Variants in EREG observed in about 807,000 individuals in gnomAD.
EREG encodes epiregulin.
Under a neutral mutation model 22.4 loss-of-function variants are expected in EREG, and 23 were observed. That is an observed-to-expected ratio of 1.03 (90% confidence interval 0.74 to 1.46). The LOEUF (loss-of-function observed/expected upper bound fraction) is 1.46, where lower values mean the gene tolerates loss of function less well. EREG is among the 40% of genes most tolerant of loss of function. EREG has a pLI of 0.00. For synonymous variants in EREG, 100 were observed against 75.4 expected (o/e 1.33, Z -1.69); for missense variants, 226 against 205.9 (o/e 1.10, Z -0.60).
chr4:74,368,050 T>C lies in EREG; in HGVS notation c.67+2675T>C, dbSNP rs181862561. On this transcript the variant is annotated intron_variant, in intron 1 of 4. Transcript: ENST00000244869. Reference sequence around the variant, plus strand: ...CTTACAAAGACTCAGAGATAGTAAATGGCCAGGTCACTCTGTGATAATGAG... The same window carrying C: ...CTTACAAAGACTCAGAGATAGTAAACGGCCAGGTCACTCTGTGATAATGAG... 3.1e-4 allele frequency among the ~76,000 whole-genome samples: 47 copies of C among 152,278 alleles called. 1 individual carries two copies. The highest frequency in any genetic ancestry group is 3.4e-3 in the Middle Eastern group (1 of 292).
In EREG at chr4:74,370,624, TGTGA is replaced by T. The variant is rs1411766460; in HGVS notation, c.67+5251_67+5254del. On this transcript the variant is annotated intron_variant, in intron 1 of 4. Transcript: ENST00000244869. ...CTGAAGATATTTGTGTGTGTGTGTG[TGTGA>T]GAGAGAGAGATAGAGAGAGAGAGAC... Among the ~76,000 whole-genome samples, 9 of 151,580 alleles carry T rather than the reference TGTGA, an allele frequency of 5.9e-5. No homozygotes were observed. In the South Asian group the frequency reaches 6.3e-4, roughly 11 times the overall value.
intron 1 of EREG, among the ~76,000 whole-genome samples, chr4:74,372,932 C>T (rs964890831): frequency 1.3e-5 from 2 of 149,386 alleles, no homozygotes; most frequent in Admixed American, 6.7e-5. Flanking sequence ...CTCAGCCTCC[C>T]GAGTAGTTGG....
chr4:74,373,922 A>C (rs1278909819), intron 1 of EREG, among the ~76,000 whole-genome samples: 2 of 152,184 alleles, frequency 1.3e-5, no homozygotes, highest in Non-Finnish European at 1.5e-5. Context: ...ACAAAAAGAC[A>C]TCCAAAAACA....
In EREG at chr4:74,382,725, C is replaced by G. The variant is rs1448173454; in HGVS notation, c.359C>G (p.Ala120Gly). Reference protein sequence around the residue: ...VHQPLSKEYVALTVILIILFL... With the variant: ...VHQPLSKEYVGLTVILIILFL... ...CAACCTTTAAGCAAAGAATATGTGG[C>G]TTTGACCGTGATTCTTATTATTTTG... The change falls in exon 4 of 5, where the codon GCT (alanine) becomes GGT (glycine). Residue 120 changes from alanine (A) to glycine (G), a missense_variant. Physicochemically the swap from Ala to Gly is moderately conservative, Grantham distance 60. Coordinates refer to ENST00000244869, the MANE Select transcript of EREG (RefSeq NM_001432.3). The G allele has an allele frequency of 6.2e-7, 1 of 1,613,612 alleles. No homozygotes were observed. The highest frequency in any genetic ancestry group is 8.5e-7 in the Non-Finnish European group (1 of 1,179,606).
rs1207755274 is a variant in EREG at position 74,388,592 on chromosome 4, T to C, written c.*3784T>C. 2 of 152,640 alleles carry C rather than the reference T, an allele frequency of 1.3e-5. No homozygotes were observed. Among genetic ancestry groups the C allele is most frequent in the Non-Finnish European group, 2.9e-5 (2 of 68,014 alleles). 9.5% of individuals were successfully genotyped at this position (152,640 alleles called of 1,614,324 possible). ...TATCGGATTACTGAATTGTATCAAT[T>C]TGTTTGTGTTCAATATCAGCTTTGA... On this transcript the variant is annotated 3_prime_UTR_variant, in exon 5 of 5. Coordinates refer to ENST00000244869, the MANE Select transcript of EREG (RefSeq NM_001432.3).
intron 1 of EREG, among the ~76,000 whole-genome samples, chr4:74,371,539 G>C (rs1473928823): frequency 6.6e-6 from 1 of 151,696 alleles, no homozygotes; most frequent in African/African-American, 2.4e-5. Flanking sequence ...TGCCACTTCT[G>C]TCTGCTCTCT....
intron 1 of EREG, among the ~76,000 whole-genome samples, chr4:74,376,327 A>G (rs1752382627): frequency 6.6e-6 from 1 of 152,212 alleles, no homozygotes; most frequent in South Asian, 2.1e-4. Flanking sequence ...GAGAATTGGT[A>G]ATGTCTCCTC....
intron 3 of EREG, chr4:74,381,539 G>C (rs1265323077): frequency 6.5e-6 from 1 of 153,046 alleles, no homozygotes; most frequent in African/African-American, 2.4e-5. Flanking sequence ...TTAAAAATTA[G>C]GTAGTAAATA....
intron 1 of EREG, among the ~76,000 whole-genome samples, chr4:74,366,602 C>A (rs77975133): frequency 0.015 from 2,353 of 152,228 alleles, 31 homozygotes; most frequent in Middle Eastern, 0.027. Context: ...AGAAATTAAC[C>A]TCGAGGTCAG....
rs1752552658 is a variant in EREG at position 74,385,358 on chromosome 4, A to T, written c.*550A>T. ...AACACTACACATTTGAAACAAGCTAACCCTGGGGAGTCTATGGTCTCTTCA... is the reference window on the plus strand; with the variant it reads ...AACACTACACATTTGAAACAAGCTATCCCTGGGGAGTCTATGGTCTCTTCA... On this transcript the variant is annotated 3_prime_UTR_variant, in exon 5 of 5. Coordinates refer to ENST00000244869, the MANE Select transcript of EREG (RefSeq NM_001432.3). 6.5e-6 allele frequency: 1 copy of T among 152,822 alleles called. No homozygotes were observed. The highest frequency in any genetic ancestry group is 1.5e-5 in the Non-Finnish European group (1 of 68,540). The allele number at this position is 152,822 out of a possible 1,614,324, so 9.5% of individuals were successfully genotyped here. A position where few individuals can be genotyped will look rare whatever the true frequency, so the allele number is the denominator to read the frequency against.
chr4:74,385,963 A>T lies in EREG; in HGVS notation c.*1155A>T. The T allele has an allele frequency of 2.6e-6, 1 of 387,850 alleles. No individual in the cohort carries two copies. Among genetic ancestry groups the T allele is most frequent in the Non-Finnish European group, 4.6e-6 (1 of 218,974 alleles). 24.0% of individuals were successfully genotyped at this position (387,850 alleles called of 1,614,324 possible). On this transcript the variant is annotated 3_prime_UTR_variant, in exon 5 of 5. Transcript: ENST00000244869. Reference sequence around the variant, plus strand: ...GTATTTTTCCAAATGAAAAATCTCAATTGAAAGCTTTTAAAATGTAGAAAC... The same window carrying T: ...GTATTTTTCCAAATGAAAAATCTCATTTGAAAGCTTTTAAAATGTAGAAAC...
rs1752601557 is a variant in EREG at position 74,388,075 on chromosome 4, TTTGA to T, written c.*3268_*3271del. Reference sequence around the variant, plus strand: ...TAAGTCAGATTTTTATTTATGAGTCTTTGAGACTAAATTCAATCACCACCAGGTA... The same window carrying T: ...TAAGTCAGATTTTTATTTATGAGTCTGACTAAATTCAATCACCACCAGGTA... On this transcript the variant is annotated 3_prime_UTR_variant, in exon 5 of 5. Transcript: ENST00000244869. 1.3e-5 allele frequency: 2 copies of T among 152,212 alleles called. No homozygotes were observed. The highest frequency in any genetic ancestry group is 1.3e-4 in the Admixed American group (2 of 15,286). The allele number at this position is 152,212 out of a possible 1,614,324, so 9.4% of individuals were successfully genotyped here.
At chr4:74,377,969 T>TAC (rs1395523334) in intron 1 of EREG, among the ~76,000 whole-genome samples, 5 of 152,314 alleles carry the variant, frequency 3.3e-5, no homozygotes, top group Middle Eastern at 3.4e-3. Flanking sequence ...ATATCACTGG[T>TAC]ACATAGTACA....
intron 2 of EREG, among the ~76,000 whole-genome samples, chr4:74,379,821 G>A (rs1267633988): frequency 1.3e-5 from 2 of 152,114 alleles, no homozygotes; most frequent in African/African-American, 4.8e-5. Flanking sequence ...GCACTTTACT[G>A]CGAAACATCC....
chr4:74,369,498 G>A (rs1024467168), intron 1 of EREG, among the ~76,000 whole-genome samples: 3 of 152,086 alleles, frequency 2.0e-5, no homozygotes, highest in Non-Finnish European at 2.9e-5. Context: ...CATCCAATTT[G>A]CTGCGAAAGA....
chr4:74,385,064 A>G lies in EREG; in HGVS notation c.*256A>G. ...ATTTCCTGAGCTAAATGCTTCATTG[A>G]AAGCTTCAAAGTTTATATGCCTGGT... On this transcript the variant is annotated 3_prime_UTR_variant, in exon 5 of 5. Coordinates refer to ENST00000244869, the MANE Select transcript of EREG (RefSeq NM_001432.3). The G allele has an allele frequency of 2.9e-6, 1 of 340,470 alleles. No individual in the cohort carries two copies. Among genetic ancestry groups the G allele is most frequent in the Non-Finnish European group, 5.4e-6 (1 of 186,184 alleles). 21.1% of individuals were successfully genotyped at this position (340,470 alleles called of 1,614,324 possible). A position where few individuals can be genotyped will look rare whatever the true frequency, so the allele number is the denominator to read the frequency against.
chr4:74,379,244 G>A (rs898086539), intron 1 of EREG, among the ~76,000 whole-genome samples: 5 of 152,150 alleles, frequency 3.3e-5, no homozygotes, highest in African/African-American at 7.2e-5. Flanking sequence ...GTAATGCCAA[G>A]GCTTTTATCC....
chr4:74,379,591 A>G lies in EREG; in HGVS notation c.154+57A>G, dbSNP rs1752440459. 2.9e-6 allele frequency: 3 copies of G among 1,019,724 alleles called. No homozygotes were observed. The South Asian group carries it at 3.9e-5, about 13-fold the overall frequency. The allele number at this position is 1,019,724 out of a possible 1,614,324, so 63.2% of individuals were successfully genotyped here. A position where few individuals can be genotyped will look rare whatever the true frequency, so the allele number is the denominator to read the frequency against. On this transcript the variant is annotated intron_variant, in intron 2 of 4. Transcript: ENST00000244869. ...AGACTACATATTTTTAAACAGAAAT[A>G]TAAACTCAAAGACTATAAGTATGTG...
intron 1 of EREG, 110 bp downstream of exon 1, chr4:74,365,485 G>A (rs1371762164): frequency 1.5e-6 from 1 of 665,104 alleles, no homozygotes; most frequent in South Asian, 1.8e-5. Context: ...GTTCAAGTGT[G>A]CTCTATTTAA....
Sources: allele counts gnomAD v4.1 joint callset (sites outside exome capture counted in the v4.1 genomes callset), GRCh38; gene constraint gnomAD v4.1.1; transcripts MANE v1.5; gene names NCBI Gene and HGNC (gene_info 2026-07-23, HGNC 2026-07-21).